Variants in DTNA observed in about 807,000 individuals in gnomAD.
The protein encoded by DTNA is dystrobrevin alpha, also known as dystrophin-related protein 3.
Under a neutral mutation model 100.7 loss-of-function variants are expected in DTNA, and 43 were observed. The observed-to-expected ratio is 0.43, with a 90% CI of 0.33 to 0.55. The LOEUF is 0.55. DTNA is among the 20% of genes least tolerant of loss of function. The probability of loss-of-function intolerance (pLI) is 0.04; values close to 1 mark genes in which losing one functional copy is unlikely to be tolerated. For missense variants in DTNA, 798 were observed against 953.9 expected (o/e 0.84, Z 2.15); for synonymous variants, 349 against 347.9 (o/e 1.00, Z -0.04).
intron 1 of DTNA, among the ~76,000 whole-genome samples, chr18:34,600,389 TTTAA>T (rs1168967635): frequency 2.0e-5 from 3 of 152,206 alleles, no homozygotes; most frequent in African/African-American, 4.8e-5. Flanking sequence ...ATAGAGTTAC[TTTAA>T]TTATTTTTCT....
intron 1 of DTNA, among the ~76,000 whole-genome samples, chr18:34,710,965 G>C (rs1324282186): frequency 4.6e-5 from 7 of 151,892 alleles, no homozygotes; most frequent in Non-Finnish European, 1.0e-4. Context: ...ATATTATTGC[G>C]AGCCTCATCT....
intron 1 of DTNA, among the ~76,000 whole-genome samples, chr18:34,686,287 G>A (rs1428098425): frequency 6.6e-6 from 1 of 152,160 alleles, no homozygotes; most frequent in African/African-American, 2.4e-5. Flanking sequence ...GTCATAAATA[G>A]CTCTTATTAT....
chr18:34,781,487 A>G (rs1306808374), intron 3 of DTNA, among the ~76,000 whole-genome samples: 2 of 152,060 alleles, frequency 1.3e-5, no homozygotes, highest in Non-Finnish European at 2.9e-5. Context: ...AACTTATCCC[A>G]TTGGCCTTAA....
chr18:34,494,774 A>G (rs79313891), intron 1 of DTNA, among the ~76,000 whole-genome samples: 10,633 of 152,054 alleles, frequency 0.07, 804 homozygotes, highest in African/African-American at 0.18. Context: ...GTTGATGCTT[A>G]TGTTTTCCTG....
chr18:34,519,768 A>C (rs2041987554), intron 1 of DTNA, among the ~76,000 whole-genome samples: 1 of 152,196 alleles, frequency 6.6e-6, no homozygotes, highest in African/African-American at 2.4e-5. Flanking sequence ...TTGAAGCAAC[A>C]ATGTGGCAAC....
At chr18:34,710,675 AGTGTGTGTGTGT>A (rs113472325) in intron 1 of DTNA, among the ~76,000 whole-genome samples, 1 of 147,860 alleles carries the variant, frequency 6.8e-6, no homozygotes, top group Admixed American at 6.8e-5. Context: ...TGTGTGTGGG[AGTGTGTGTGTGT>A]GTGTGTGTGT....
At chr18:34,757,464 G>A (rs368582606) in intron 2 of DTNA, among the ~76,000 whole-genome samples, 53 of 152,196 alleles carry the variant, frequency 3.5e-4, no homozygotes, top group Middle Eastern at 6.8e-3. Context: ...AAAATCTGGG[G>A]AAAAATATTT....
At chr18:34,567,214 T>G (rs560815756) in intron 1 of DTNA, among the ~76,000 whole-genome samples, 2 of 152,206 alleles carry the variant, frequency 1.3e-5, no homozygotes, top group African/African-American at 4.8e-5. Context: ...TTGGGCATTT[T>G]AGATGTCTTT....
At chr18:34,689,858 C>G (rs1280916867) in intron 1 of DTNA, among the ~76,000 whole-genome samples, 3 of 152,200 alleles carry the variant, frequency 2.0e-5, no homozygotes, top group Non-Finnish European at 4.4e-5. Flanking sequence ...GAGGATGAAT[C>G]TAGAGAGGCA....
chr18:34,818,366 G>A (rs139673882), intron 8 of DTNA, 36 bp downstream of exon 8: 1 of 1,608,932 alleles, frequency 6.2e-7, no homozygotes, highest in South Asian at 1.1e-5. Flanking sequence ...GGAGTTGGAT[G>A]TGTGAGTGTT....
chr18:34,755,196 G>A (rs533517644), intron 1 of DTNA, among the ~76,000 whole-genome samples: 33 of 152,224 alleles, frequency 2.2e-4, no homozygotes, highest in African/African-American at 6.0e-4. Flanking sequence ...TTAGCCCAAA[G>A]CCCTCTACAT....
In DTNA at chr18:34,494,751, A is replaced by T. The variant is rs890854117; in HGVS notation, c.-2+1237A>T. 3.3e-5 allele frequency among the ~76,000 whole-genome samples: 5 copies of T among 152,118 alleles called. No individual in the cohort carries two copies. The East Asian group carries it at 5.8e-4, about 18-fold the overall frequency. ...TTTACATTTATTCTTATTCTAAAAA[A>T]ATTGTCTTTTGAGTTGATGCTTATG... On this transcript the variant is annotated intron_variant, in intron 1 of 19. Coordinates refer to the DTNA transcript ENST00000283365.
intron 1 of DTNA, among the ~76,000 whole-genome samples, chr18:34,725,950 G>A (rs2147133219): frequency 6.6e-6 from 1 of 152,234 alleles, no homozygotes; most frequent in Non-Finnish European, 1.5e-5. Flanking sequence ...CCTTTTCGGG[G>A]ACATGTATGA....
At chr18:34,513,762 AT>A (rs2041319487) in intron 1 of DTNA, 1 of 152,152 alleles carries the variant, frequency 6.6e-6, no homozygotes, top group Admixed American at 6.6e-5. Flanking sequence ...ATATCTAAAC[AT>A]TCTGAGAAGC....
chr18:34,575,218 C>A (rs1239956419), intron 1 of DTNA, among the ~76,000 whole-genome samples: 1 of 152,166 alleles, frequency 6.6e-6, no homozygotes, highest in Non-Finnish European at 1.5e-5. Flanking sequence ...TCTATCTTTG[C>A]ATTTTCTGAT....
intron 2 of DTNA, among the ~76,000 whole-genome samples, chr18:34,761,076 A>T (rs76339426): frequency 0.011 from 1,680 of 151,094 alleles, 33 homozygotes; most frequent in African/African-American, 0.038. Flanking sequence ...TCTTCCTGTC[A>T]GTATCTCTCT....
At chr18:34,728,814 G>A (rs2087371400) in intron 1 of DTNA, among the ~76,000 whole-genome samples, 1 of 152,164 alleles carries the variant, frequency 6.6e-6, no homozygotes, top group Admixed American at 6.5e-5. Flanking sequence ...GCTGCCAGTA[G>A]CCCCCAAATC....
chr18:34,887,733 C>T, intron 22 of DTNA, 33 bp from the exon 23 acceptor site: 6 of 985,372 alleles, frequency 6.1e-6, no homozygotes, highest in Non-Finnish European at 7.2e-6. Flanking sequence ...CAATTTGCAT[C>T]TTTAAAAAAA....
At chr18:34,576,392 C>T (rs1225949237) in intron 1 of DTNA, among the ~76,000 whole-genome samples, 7 of 152,200 alleles carry the variant, frequency 4.6e-5, no homozygotes, top group African/African-American at 1.4e-4. Flanking sequence ...CATTTTTCCT[C>T]ATCTTTGTTT....
Sources: gnomAD v4.1 joint callset for allele counts (sites outside exome capture counted in the v4.1 genomes callset) on GRCh38, gnomAD v4.1.1 for gene constraint, MANE v1.5 for transcripts, NCBI Gene and HGNC (gene_info 2026-07-23, HGNC 2026-07-21) for gene names.